The following NEK10 variants were observed in gnomAD, a reference collection of about 807,000 sequenced individuals.
The protein encoded by NEK10 is NIMA related kinase 10, also known as serine/threonine-protein kinase Nek10.
A neutral mutation model predicts 159.8 loss-of-function variants in NEK10; 122 were observed. That is an observed-to-expected ratio of 0.76 (90% CI 0.66 to 0.89). The LOEUF (loss-of-function observed/expected upper bound fraction) is 0.89. Among genes scored for constraint, NEK10 ranks in the 40% least tolerant of loss-of-function variants. The pLI, the probability that NEK10 is intolerant of heterozygous loss-of-function variation, is 0.00. For missense variants in NEK10, 1,342 were observed against 1,323.1 expected, an observed-to-expected ratio of 1.01 and a Z score of -0.22; for synonymous variants, 466 against 457.1, an observed-to-expected ratio of 1.02 and a Z score of -0.25.
chr3:27,170,305 A>G (rs919542843), intron 29 of NEK10, among the ~76,000 whole-genome samples: 1 of 152,184 alleles, frequency 6.6e-6, no homozygotes, highest in Non-Finnish European at 1.5e-5. Context: ...CCAGCCTCAG[A>G]GCAGTCTGGC....
Position 27,311,079 on chromosome 3 carries a change from G to A in NEK10, c.569-63C>T, listed in dbSNP as rs1001741214. 14 of 995,282 alleles carry A rather than the reference G, an allele frequency of 1.4e-5. No individual in the cohort carries two copies. The African/African-American group carries it at 1.6e-4, about 11-fold the overall frequency. The allele number at this position is 995,282 out of a possible 1,614,324, so 61.7% of individuals were successfully genotyped here. On this transcript the variant is annotated intron_variant, in intron 8 of 35. Coordinates refer to ENST00000691995, the MANE Select transcript of NEK10 (RefSeq NM_001394966.1). The stretch of plus-strand genomic sequence containing the variant: ...GATTAAAGGGGGAGTACTTCCAGGA[G>A]CACAGATCTGCAGTGCATATGGGCA...
chr3:27,122,450 A>G (rs1438645686), intron 32 of NEK10, among the ~76,000 whole-genome samples: 5 of 152,298 alleles, frequency 3.3e-5, no homozygotes, highest in South Asian at 4.1e-4. Context: ...TAAATACTGT[A>G]ATACAGGAAG....
At chr3:27,222,316 T>G (rs190127009) in intron 23 of NEK10, among the ~76,000 whole-genome samples, 38 of 152,264 alleles carry the variant, frequency 2.5e-4, no homozygotes, top group Non-Finnish European at 4.0e-4. Context: ...GAGGTGGCAG[T>G]GAGCCGAGAT....
intron 23 of NEK10, among the ~76,000 whole-genome samples, chr3:27,227,776 GT>G (rs1283534771): frequency 2.0e-5 from 3 of 152,178 alleles, no homozygotes; most frequent in Non-Finnish European, 4.4e-5. Context: ...TAATAAAAAT[GT>G]TTTTCTAATT....
At chr3:27,267,228 T>C (rs1360901849) in intron 22 of NEK10, among the ~76,000 whole-genome samples, 2 of 152,196 alleles carry the variant, frequency 1.3e-5, no homozygotes, top group Non-Finnish European at 1.5e-5. Flanking sequence ...TGGGCTATAG[T>C]CATACCCTCT....
At chr3:27,236,652 T>G (rs932036988) in intron 23 of NEK10, among the ~76,000 whole-genome samples, 12 of 152,136 alleles carry the variant, frequency 7.9e-5, no homozygotes, top group African/African-American at 2.9e-4. Context: ...CCAGCAGGTT[T>G]TTATTAAGGA....
At chr3:27,338,905 C>T (rs1398661338) in intron 5 of NEK10, among the ~76,000 whole-genome samples, 8 of 151,870 alleles carry the variant, frequency 5.3e-5, no homozygotes, top group Non-Finnish European at 1.0e-4. Flanking sequence ...TGGCTAAGAC[C>T]TCAAAAGCAC....
intron 1 of NEK10, among the ~76,000 whole-genome samples, chr3:27,354,539 A>G (rs2048195469): frequency 6.6e-6 from 1 of 152,206 alleles, no homozygotes; most frequent in Non-Finnish European, 1.5e-5. Context: ...AAATGGAGAT[A>G]TTCTGAAAAA....
intron 23 of NEK10, among the ~76,000 whole-genome samples, chr3:27,211,989 A>T (rs1051422268): frequency 5.3e-5 from 8 of 152,258 alleles, no homozygotes; most frequent in Non-Finnish European, 1.5e-5. Flanking sequence ...TAAGACAGAG[A>T]GATAATTTGT....
chr3:27,154,800 A>G (rs144765315), intron 30 of NEK10, among the ~76,000 whole-genome samples: 1 of 152,314 alleles, frequency 6.6e-6, no homozygotes, highest in African/African-American at 2.4e-5. Flanking sequence ...ACATACCTCA[A>G]TGTAATAAAA....
At chr3:27,176,550 G>T (rs1010636206) in intron 26 of NEK10, among the ~76,000 whole-genome samples, 4 of 152,128 alleles carry the variant, frequency 2.6e-5, no homozygotes, top group African/African-American at 9.7e-5. Context: ...TCTTTCTAAG[G>T]CTCAAAACTT....
At position 27,312,184 on chromosome 3, in the gene NEK10, G is replaced by T; in HGVS notation, c.490-7C>A. ...TGGCTACAATCTCCATATACTGCATGAAGGACCAAACCAACAAGCCAGTCA... is the reference window on the plus strand; with the variant it reads ...TGGCTACAATCTCCATATACTGCATTAAGGACCAAACCAACAAGCCAGTCA... On this transcript the variant is annotated splice_region_variant and splice_polypyrimidine_tract_variant and intron_variant, in intron 7 of 35. Transcript: ENST00000691995. The T allele has an allele frequency of 1.3e-6, 2 of 1,581,208 alleles. No homozygotes were observed. The highest frequency in any genetic ancestry group is 1.7e-6 in the Non-Finnish European group (2 of 1,160,372).
intron 30 of NEK10, among the ~76,000 whole-genome samples, chr3:27,151,458 G>C (rs1421849113): frequency 3.3e-5 from 5 of 152,170 alleles, no homozygotes; most frequent in Non-Finnish European, 7.3e-5. Context: ...AAAAGGGTAA[G>C]AGTACTACAT....
chr3:27,314,327 ATGGAG>A lies in NEK10; in HGVS notation c.454_458del (p.Leu152Ter). ...CTAGGTTTTCAATCCCACCCAAGCT[ATGGAG>A]TATTTCCTAATAAAATAAAAGCAAC... On this transcript the variant is annotated frameshift_variant, in exon 7 of 36. Transcript: ENST00000691995. LOFTEE classifies it high-confidence loss of function. 6.2e-7 allele frequency: 1 copy of A among 1,600,120 alleles called. No homozygotes were observed.
chr3:27,194,617 T>C (rs1260059440), intron 25 of NEK10: 2 of 152,284 alleles, frequency 1.3e-5, no homozygotes, highest in East Asian at 1.9e-4. Flanking sequence ...TACATTCATG[T>C]CATGTTTTAA....
intron 25 of NEK10, among the ~76,000 whole-genome samples, chr3:27,193,842 T>A (rs1949334624): frequency 6.6e-6 from 1 of 152,162 alleles, no homozygotes; most frequent in South Asian, 2.1e-4. Context: ...GTTTCACCAC[T>A]AGACTGGAAA....
At chr3:27,136,988 G>A (rs1265254586) in intron 31 of NEK10, among the ~76,000 whole-genome samples, 1 of 152,134 alleles carries the variant, frequency 6.6e-6, no homozygotes, top group Non-Finnish European at 1.5e-5. Flanking sequence ...CTTACTTTCA[G>A]TCTTCCTTTG....
intron 29 of NEK10, among the ~76,000 whole-genome samples, chr3:27,163,034 T>C (rs933058813): frequency 6.6e-6 from 1 of 152,184 alleles, no homozygotes; most frequent in African/African-American, 2.4e-5. Context: ...ACTCAAAATA[T>C]GATTTTGCAC....
intron 22 of NEK10, among the ~76,000 whole-genome samples, chr3:27,282,280 A>G (rs905527001): frequency 2.3e-4 from 35 of 152,222 alleles, no homozygotes; most frequent in African/African-American, 8.4e-4. Flanking sequence ...TTTTCTCTAT[A>G]AGCTTTTTAT....
Sources: allele counts gnomAD v4.1 joint callset (sites outside exome capture counted in the v4.1 genomes callset), GRCh38; gene constraint gnomAD v4.1.1; transcripts MANE v1.5; gene names NCBI Gene and HGNC (gene_info 2026-07-23, HGNC 2026-07-21).